The following RIT1 variants were observed in gnomAD, a reference collection of about 807,000 sequenced individuals.
RIT1 encodes GTP-binding protein Rit1.
A neutral mutation model predicts 25.6 loss-of-function variants in RIT1; 6 were observed. The observed-to-expected ratio is 0.23, with a 90% CI of 0.13 to 0.46. The LOEUF (loss-of-function observed/expected upper bound fraction) is 0.46. Among genes scored for constraint, RIT1 ranks in the 20% least tolerant of loss-of-function variants. The pLI, the probability that RIT1 is intolerant of heterozygous loss-of-function variation, is 0.99. For synonymous variants in RIT1, 81 were observed against 94.1 expected, an observed-to-expected ratio of 0.86 and a Z score of 0.80; for missense variants, 219 against 284.4, an observed-to-expected ratio of 0.77 and a Z score of 1.65.
chr1:155,902,465 G>A (rs1447133737), intron 5 of RIT1, among the ~76,000 whole-genome samples: 1 of 151,746 alleles, frequency 6.6e-6, no homozygotes, highest in Non-Finnish European at 1.5e-5. Context: ...GAACCCAGGA[G>A]GCAGAGGTTG....
At chr1:155,910,971 A>G in intron 1 of RIT1, 167 bp from the exon 2 acceptor site, 1 of 1,003,042 alleles carries the variant, frequency 1.0e-6, no homozygotes, top group Non-Finnish European at 1.5e-6. Context: ...AAACCCCCCC[A>G]TCTTCACCCT....
intron 3 of RIT1, among the ~76,000 whole-genome samples, chr1:155,908,841 G>A (rs1160836198): frequency 6.6e-6 from 1 of 151,818 alleles, no homozygotes; most frequent in East Asian, 2.0e-4. Flanking sequence ...GGGATTACAG[G>A]CATGAGCCAC....
Position 155,900,439 on chromosome 1 carries a change from T to C in RIT1, c.609A>G (p.Val203=), listed in dbSNP as rs142974413. 3 of 1,614,232 alleles carry C rather than the reference T, an allele frequency of 1.9e-6. No individual in the cohort carries two copies. Among genetic ancestry groups the C allele is most frequent in the Non-Finnish European group, 1.7e-6 (2 of 1,180,028 alleles). ...MEKKSKPKNS[V]WKRLKSPFRK... ...GGAATGGTGATTTTAGCCTCTTCCA[T>C]ACACTGTTTTTGGGCTTAGATTTTT... The change falls in exon 6 of 6, where the codon GTA becomes GTG. Residue 203 remains valine (V), a synonymous_variant. Coordinates refer to ENST00000368323, the MANE Select transcript of RIT1 (RefSeq NM_006912.6).
intron 3 of RIT1, among the ~76,000 whole-genome samples, chr1:155,907,549 C>A (rs1404530154): frequency 6.6e-6 from 1 of 152,192 alleles, no homozygotes; most frequent in Non-Finnish European, 1.5e-5. Context: ...AGCCTCCGCA[C>A]CCGGCCTTGT....
At chr1:155,908,723 C>T (rs1045767141) in intron 3 of RIT1, among the ~76,000 whole-genome samples, 9 of 151,136 alleles carry the variant, frequency 6.0e-5, no homozygotes, top group Admixed American at 1.3e-4. Context: ...GCACCACGCC[C>T]GGCTAGTTTT....
In RIT1 at chr1:155,902,361, C is replaced by CAAA. The variant is rs199556134; in HGVS notation, c.430-1746_430-1744dup. Among the ~76,000 whole-genome samples the CAAA allele has an allele frequency of 1.5e-4, 21 of 137,872 alleles. No homozygotes were observed. In the East Asian group the frequency reaches 2.0e-3, roughly 13 times the overall value. 90.4% of individuals were successfully genotyped at this position (137,872 alleles called of 152,430 possible). The stretch of plus-strand genomic sequence containing the variant: ...ATAAAGTTTAAAAATGCTTTTATAT[C>CAAA]AAAAAAAAAAAAAAGAAAAGAAAAA... On this transcript the variant is annotated intron_variant, in intron 5 of 5. Coordinates refer to ENST00000368323, the MANE Select transcript of RIT1 (RefSeq NM_006912.6).
chr1:155,908,135 C>T (rs912084754), intron 3 of RIT1, among the ~76,000 whole-genome samples: 2 of 145,870 alleles, frequency 1.4e-5, no homozygotes, highest in Middle Eastern at 3.9e-3. Flanking sequence ...TTACAGGAGA[C>T]GAGTATTTGA....
chr1:155,907,067 C>A (rs1673458335), intron 3 of RIT1, among the ~76,000 whole-genome samples: 1 of 151,886 alleles, frequency 6.6e-6, no homozygotes, highest in Non-Finnish European at 1.5e-5. Flanking sequence ...AAGATCACAA[C>A]ACTGCACTCC....
At chr1:155,910,535 C>T in intron 2 of RIT1, 29 bp from the exon 3 acceptor site, 1 of 1,613,036 alleles carries the variant, frequency 6.2e-7, no homozygotes, top group Non-Finnish European at 8.5e-7. Flanking sequence ...AAGTCAAATC[C>T]TCACAAAGGT....
At position 155,899,643 on chromosome 1, in the gene RIT1, G is replaced by GT. The variant is rs1265951588; in HGVS notation, c.*744dup. 1.2e-5 allele frequency: 2 copies of GT among 168,082 alleles called. No homozygotes were observed. Among genetic ancestry groups the GT allele is most frequent in the Non-Finnish European group, 2.6e-5 (2 of 77,410 alleles). 10.4% of individuals were successfully genotyped at this position (168,082 alleles called of 1,614,324 possible). A position where few individuals can be genotyped will look rare whatever the true frequency, so the allele number is the denominator to read the frequency against. ...ATTCCCAAAATGTCTACCTTTGAAG[G>GT]TAAAAAAAAAAAGAAAACCCTGAAA... On this transcript the variant is annotated 3_prime_UTR_variant, in exon 6 of 6. Transcript: ENST00000368323.
Position 155,904,405 on chromosome 1 carries a change from C to A in RIT1, c.335G>T (p.Arg112Leu). The A allele has an allele frequency of 6.2e-7, 1 of 1,613,940 alleles. No individual in the cohort carries two copies. The highest frequency in any genetic ancestry group is 1.1e-5 in the South Asian group (1 of 91,080). Residue 112 changes from arginine (R) to leucine (L), a missense_variant, in exon 5 of 6, where the codon CGT (arginine) becomes CTT (leucine). Transcript: ENST00000368323. The stretch of plus-strand genomic sequence containing the variant: ...TCGATAAATAAGCTGTTTAAACTCA[C>A]GAACTTCATGGAAACTTCGACGATC... ...ITDRRSFHEV[R>L]EFKQLIYRVR...
chr1:155,903,921 G>A (rs116836973), intron 5 of RIT1, among the ~76,000 whole-genome samples: 1,911 of 152,300 alleles, frequency 0.013, 49 homozygotes, highest in African/African-American at 0.044. Context: ...GAACTGGGAT[G>A]ATTGCTTGAG....
chr1:155,901,345 T>A (rs1488950861), intron 5 of RIT1, among the ~76,000 whole-genome samples: 1 of 151,884 alleles, frequency 6.6e-6, no homozygotes, highest in Non-Finnish European at 1.5e-5. Flanking sequence ...ACAAAATTTT[T>A]AAAAATTTAG....
In RIT1 at chr1:155,910,733, CTA is replaced by C. The variant is rs1673578024; in HGVS notation, c.27_28del (p.Ser10LeufsTer3). On this transcript the variant is annotated frameshift_variant, in exon 2 of 6. Transcript: ENST00000368323. LOFTEE classifies it high-confidence loss of function. The stretch of plus-strand genomic sequence containing the variant: ...GAGCCCAGCGGGGCTGCTACAGCAG[CTA>C]CCAACTGGGCGAGTTCCAGAATCCA... 3 of 1,614,152 alleles carry C rather than the reference CTA, an allele frequency of 1.9e-6. No homozygotes were observed. The Admixed American group carries it at 5.0e-5, about 27-fold the overall frequency.
At position 155,898,491 on chromosome 1, in the gene RIT1, T is replaced by TA. The variant is rs1302294798; in HGVS notation, c.*1896_*1897insT. 5.1e-5 allele frequency: 3 copies of TA among 58,936 alleles called. No homozygotes were observed. Among genetic ancestry groups the TA allele is most frequent in the African/African-American group, 2.2e-4 (3 of 13,658 alleles). The allele number at this position is 58,936 out of a possible 1,614,324, so 3.7% of individuals were successfully genotyped here. A position where few individuals can be genotyped will look rare whatever the true frequency, so the allele number is the denominator to read the frequency against. ...CAACATAGTGAAACCTCATCTCTATTTAAAAAAAAAAAAAAAAAAAAAAAA... is the reference window on the plus strand; with the variant it reads ...CAACATAGTGAAACCTCATCTCTATTATAAAAAAAAAAAAAAAAAAAAAAAA... On this transcript the variant is annotated 3_prime_UTR_variant, in exon 6 of 6. Coordinates refer to ENST00000368323, the MANE Select transcript of RIT1 (RefSeq NM_006912.6).
In RIT1 at chr1:155,906,233, TA is replaced by T. The variant is rs554243333; in HGVS notation, c.164-1430del. ...AGTAACCTTGGAAAATATAGAAAAC[TA>T]AAAAGAAAAAAAAAGCCACGCAATA... On this transcript the variant is annotated intron_variant, in intron 3 of 5. Coordinates refer to ENST00000368323, the MANE Select transcript of RIT1 (RefSeq NM_006912.6). Among the ~76,000 whole-genome samples the T allele has an allele frequency of 7.4e-4, 112 of 151,916 alleles. 3 individuals carry two copies. In the South Asian group the frequency reaches 0.021, roughly 29 times the overall value.
Position 155,899,464 on chromosome 1 carries a change from C to G in RIT1, c.*924G>C, listed in dbSNP as rs1372853770. ...GATGAAGGGCCGAAAAAACATCTTGCCAGCTGTAGCTCTTTTACAGAGCAC... is the reference window on the plus strand; with the variant it reads ...GATGAAGGGCCGAAAAAACATCTTGGCAGCTGTAGCTCTTTTACAGAGCAC... On this transcript the variant is annotated 3_prime_UTR_variant, in exon 6 of 6. Transcript: ENST00000368323. 4.4e-6 allele frequency: 1 copy of G among 224,800 alleles called. No homozygotes were observed. The highest frequency in any genetic ancestry group is 6.4e-5 in the East Asian group (1 of 15,602). 13.9% of individuals were successfully genotyped at this position (224,800 alleles called of 1,614,324 possible). A position where few individuals can be genotyped will look rare whatever the true frequency, so the allele number is the denominator to read the frequency against.
In RIT1 at chr1:155,899,581, T is replaced by C. The variant is rs943392968; in HGVS notation, c.*807A>G. On this transcript the variant is annotated 3_prime_UTR_variant, in exon 6 of 6. Transcript: ENST00000368323. ...TACAAGGCAATGGCTGATCCAACTA[T>C]GAATTTTGATTAAACACGTTTAGTA... 8 of 225,424 alleles carry C rather than the reference T, an allele frequency of 3.5e-5. No homozygotes were observed. The highest frequency in any genetic ancestry group is 1.3e-4 in the East Asian group (2 of 15,736). 14.0% of individuals were successfully genotyped at this position (225,424 alleles called of 1,614,324 possible).
intron 3 of RIT1, 97 bp from the exon 4 acceptor site, chr1:155,904,901 T>G (rs1456469077): frequency 3.9e-6 from 3 of 762,100 alleles, no homozygotes; most frequent in Non-Finnish European, 6.8e-6. Context: ...GTATCCAAAT[T>G]CATTAAATGC....
Sources: allele counts gnomAD v4.1 joint callset (sites outside exome capture counted in the v4.1 genomes callset), GRCh38; gene constraint gnomAD v4.1.1; transcripts MANE v1.5; gene names NCBI Gene and HGNC (gene_info 2026-07-23, HGNC 2026-07-21).